ENTREP2: variants seen among roughly 807,000 people sequenced by gnomAD.
The protein encoded by ENTREP2 is endosomal transmembrane epsin interactor 2.
At chr15:29,210,285 C>G in the ENTREP2 span, among the ~76,000 whole-genome samples, 2 of 152,204 alleles carry the variant, frequency 1.3e-5, no homozygotes, top group African/African-American at 4.8e-5. Flanking sequence ...CCAGCCAATT[C>G]TCACCTGGGT....
chr15:29,214,001 G>A, the ENTREP2 span, among the ~76,000 whole-genome samples: 4 of 151,250 alleles, frequency 2.6e-5, no homozygotes, highest in East Asian at 2.0e-4. Context: ...ACCATCTCAT[G>A]CCAGTTAGAA....
the ENTREP2 span, among the ~76,000 whole-genome samples, chr15:29,131,167 T>A: frequency 1.3e-5 from 2 of 152,190 alleles, no homozygotes; most frequent in African/African-American, 2.4e-5. Context: ...GAAACAGATT[T>A]ATGAAGAGCT....
chr15:29,514,769 T>C, the ENTREP2 span, among the ~76,000 whole-genome samples: 1 of 152,160 alleles, frequency 6.6e-6, no homozygotes, highest in African/African-American at 2.4e-5. Flanking sequence ...TAAAGATGGA[T>C]TTCTTCAAAG....
the ENTREP2 span, among the ~76,000 whole-genome samples, chr15:29,356,268 GTATATATATATATATA>G: frequency 5.2e-5 from 3 of 57,612 alleles, no homozygotes; most frequent in Admixed American, 2.9e-4. Context: ...GTGTGTGTGT[GTATATATATATATATA>G]TATATATATA....
chr15:29,669,913 G>A, the ENTREP2 span, among the ~76,000 whole-genome samples: 2 of 152,114 alleles, frequency 1.3e-5, no homozygotes, highest in Non-Finnish European at 2.9e-5. Context: ...CCGATCCCAC[G>A]GTGTGTCTGC....
chr15:29,190,254 T>C, the ENTREP2 span, among the ~76,000 whole-genome samples: 1 of 152,016 alleles, frequency 6.6e-6, no homozygotes, highest in East Asian at 1.9e-4. Flanking sequence ...GAGTTCCAGG[T>C]CCCCTCTGTG....
chr15:29,593,708 C>T, the ENTREP2 span, among the ~76,000 whole-genome samples: 4 of 152,156 alleles, frequency 2.6e-5, no homozygotes, highest in Non-Finnish European at 5.9e-5. Context: ...TTTCACATTG[C>T]GTCAGGTCAC....
the ENTREP2 span, among the ~76,000 whole-genome samples, chr15:29,276,439 C>A: frequency 2.0e-5 from 3 of 152,212 alleles, no homozygotes; most frequent in African/African-American, 7.2e-5. Flanking sequence ...CTTTAAAAGA[C>A]CTTAGTATAG....
chr15:29,417,823 C>G, the ENTREP2 span, among the ~76,000 whole-genome samples: 1 of 152,044 alleles, frequency 6.6e-6, no homozygotes, highest in African/African-American at 2.4e-5. Flanking sequence ...TAGTTATGAA[C>G]AGGAGTGGAG....
the ENTREP2 span, among the ~76,000 whole-genome samples, chr15:29,425,655 C>A: frequency 6.6e-6 from 1 of 152,046 alleles, no homozygotes; most frequent in Non-Finnish European, 1.5e-5. Flanking sequence ...ATTTTTGTTT[C>A]TCTAATTTTC....
the ENTREP2 span, among the ~76,000 whole-genome samples, chr15:29,400,514 C>T: frequency 2.6e-3 from 395 of 152,182 alleles, no homozygotes; most frequent in Admixed American, 6.7e-3. Flanking sequence ...AGAAAATCTA[C>T]GCAATAAGAA....
At chr15:29,395,919 T>C in the ENTREP2 span, among the ~76,000 whole-genome samples, 1 of 152,204 alleles carries the variant, frequency 6.6e-6, no homozygotes, top group East Asian at 1.9e-4. Context: ...GTATCTCTTC[T>C]GTGGAGAAAG....
chr15:29,202,163 T>C, the ENTREP2 span, among the ~76,000 whole-genome samples: 1 of 152,168 alleles, frequency 6.6e-6, no homozygotes, highest in Non-Finnish European at 1.5e-5. Flanking sequence ...TTCTAACTTT[T>C]TTTCTTGCTA....
chr15:29,491,766 T>C, the ENTREP2 span, among the ~76,000 whole-genome samples: 6 of 152,202 alleles, frequency 3.9e-5, no homozygotes, highest in Non-Finnish European at 8.8e-5. Flanking sequence ...ATTATTTACC[T>C]TTTCGACTTA....
At chr15:29,215,818 G>A in the ENTREP2 span, among the ~76,000 whole-genome samples, 1 of 152,114 alleles carries the variant, frequency 6.6e-6, no homozygotes, top group East Asian at 1.9e-4. Flanking sequence ...GAAGGCAGCA[G>A]ATGGTTGTTG....
the ENTREP2 span, among the ~76,000 whole-genome samples, chr15:29,291,227 G>A: frequency 1.3e-5 from 2 of 152,170 alleles, no homozygotes; most frequent in African/African-American, 2.4e-5. Flanking sequence ...CCTTTGCTAC[G>A]TTAAGCCATT....
the ENTREP2 span, among the ~76,000 whole-genome samples, chr15:29,431,278 A>C: frequency 6.6e-6 from 1 of 152,146 alleles, no homozygotes; most frequent in African/African-American, 2.4e-5. Context: ...TGGCCCCTGC[A>C]CGTATGGTTT....
chr15:29,346,664 C>T, the ENTREP2 span, among the ~76,000 whole-genome samples: 1 of 152,204 alleles, frequency 6.6e-6, no homozygotes, highest in Non-Finnish European at 1.5e-5. Flanking sequence ...CTGCTGACAT[C>T]CAAATTCGTA....
chr15:29,392,484 C>A, the ENTREP2 span, among the ~76,000 whole-genome samples: 1 of 151,948 alleles, frequency 6.6e-6, no homozygotes, highest in East Asian at 1.9e-4. Flanking sequence ...TGGAAACACC[C>A]TAGGTTGACA....
Sources: gnomAD v4.1 joint callset for allele counts (sites outside exome capture counted in the v4.1 genomes callset) on GRCh38, gnomAD v4.1.1 for gene constraint, MANE v1.5 for transcripts, NCBI Gene and HGNC (gene_info 2026-07-23, HGNC 2026-07-21) for gene names.